The following ARHGEF17 variants were observed in gnomAD, a reference collection of about 807,000 sequenced individuals.
ARHGEF17 encodes Rho guanine nucleotide exchange factor 17.
ARHGEF17 carries 80 observed loss-of-function variants against 174.0 expected under a neutral mutation model. That is an observed-to-expected ratio of 0.46 (90% CI 0.38 to 0.55). The LOEUF is 0.55. Ranked by LOEUF, ARHGEF17 falls within the 20% of genes least tolerant of loss-of-function variation. The probability of loss-of-function intolerance (pLI) is 0.00; values close to 1 mark genes in which losing one functional copy is unlikely to be tolerated. For synonymous variants in ARHGEF17, 1,311 were observed against 1,189.1 expected, an observed-to-expected ratio of 1.10 and a Z score of -2.11; for missense variants, 2,886 against 2,839.7, an observed-to-expected ratio of 1.02 and a Z score of -0.37.
rs1191239085 is a variant in ARHGEF17, at chr11:73,328,119, C to T, written c.3192+16289C>T. Among the ~76,000 whole-genome samples, 3 of 152,232 alleles carry T rather than the reference C, an allele frequency of 2.0e-5. No homozygotes were observed. In the East Asian group the frequency reaches 5.8e-4, roughly 29 times the overall value. Reference sequence around the variant, plus strand: ...GTTGGAAGGGAGGGAGGGAAGTGACCTAGCTGGCTGAGGAAGAGCCCCAGG... The same window carrying T: ...GTTGGAAGGGAGGGAGGGAAGTGACTTAGCTGGCTGAGGAAGAGCCCCAGG... On this transcript the variant is annotated intron_variant, in intron 1 of 20. Transcript: ENST00000263674.
chr11:73,365,692 A>G lies in ARHGEF17; in HGVS notation c.5740A>G (p.Ile1914Val). 1 of 1,612,760 alleles carries G rather than the reference A, an allele frequency of 6.2e-7. No individual in the cohort carries two copies. The highest frequency in any genetic ancestry group is 8.5e-7 in the Non-Finnish European group (1 of 1,179,282). The change falls in exon 20 of 21, where the codon ATC (isoleucine) becomes GTC (valine). Residue 1914 changes from isoleucine (I) to valine (V), a missense_variant. Transcript: ENST00000263674. This position sits in a 1 kb window ranked among gnomAD's most constrained non-coding sequence, Gnocchi z 4.9. The stretch of plus-strand genomic sequence containing the variant: ...TCCCACCCCAGGCTCGGATGCCATC[A>G]TCCGGCAGCACAAGGCTGCCTGTCT... ...HRMLAGSDAIIRQHKAACLRI... is the reference protein window; with the variant it reads ...HRMLAGSDAIVRQHKAACLRI...
chr11:73,353,135 C>A, intron 3 of ARHGEF17, 123 bp downstream of exon 3: 1 of 1,312,226 alleles, frequency 7.6e-7, no homozygotes. Flanking sequence ...CAGATCTGAC[C>A]ATAGAACTTG....
At chr11:73,356,897 ACT>A (rs2134418158) in intron 7 of ARHGEF17, 126 bp from the exon 8 acceptor site, 2 of 1,490,640 alleles carry the variant, frequency 1.3e-6, no homozygotes, top group Non-Finnish European at 1.9e-6. Context: ...CTCTGCTCTG[ACT>A]CTCTGGGAAG....
chr11:73,367,627 G>C lies in ARHGEF17; in HGVS notation c.6039G>C (p.Trp2013Cys), dbSNP rs1426394738. 1.8e-5 allele frequency: 29 copies of C among 1,613,892 alleles called. No homozygotes were observed. The highest frequency in any genetic ancestry group is 2.3e-5 in the Non-Finnish European group (27 of 1,179,942). Residue 2013 changes from tryptophan to cysteine, a missense_variant, in exon 21 of 21, where the codon TGG becomes TGC. Around this residue, in one of 4 missense-constraint regions of ARHGEF17, gnomAD observed 329 missense variants for 435.2 expected, o/e 0.76. Coordinates refer to ENST00000263674, the MANE Select transcript of ARHGEF17 (RefSeq NM_014786.4). The part of the protein sequence containing the change: ...LPSLEHRDSP[W>C]HRGPAPARPK... Reference sequence around the variant, plus strand: ...CACTGGAGCACCGGGACTCCCCTTGGCACCGAGGCCCCGCCCCTGCCAGGC... The same window carrying C: ...CACTGGAGCACCGGGACTCCCCTTGCCACCGAGGCCCCGCCCCTGCCAGGC...
chr11:73,354,608 G>A (rs1190817551), intron 3 of ARHGEF17, among the ~76,000 whole-genome samples: 4 of 152,214 alleles, frequency 2.6e-5, no homozygotes, highest in East Asian at 3.9e-4. Context: ...CAGCTACTCC[G>A]GAGGCTGAGG....
intron 1 of ARHGEF17, among the ~76,000 whole-genome samples, chr11:73,338,352 C>T (rs760589110): frequency 6.6e-6 from 1 of 152,204 alleles, no homozygotes; most frequent in Non-Finnish European, 1.5e-5. Context: ...TTCTTAATCT[C>T]TCTACCCAAA....
Position 73,309,722 on chromosome 11 carries a change from A to T in ARHGEF17, c.1084A>T (p.Met362Leu). Residue 362 changes from methionine (M) to leucine (L), a missense_variant, in exon 1 of 21, where the codon ATG (methionine) becomes TTG (leucine). This residue lies in a region of ARHGEF17 where 1,728 missense variants were observed against 1,461.2 expected (regional missense o/e 1.18). Transcript: ENST00000263674. ...VPGPQEGLRPMSDSVGGAFRV... is the reference protein window; with the variant it reads ...VPGPQEGLRPLSDSVGGAFRV... ...AGGTCCCCAGGAGGGACTTCGGCCT[A>T]TGTCTGACTCTGTGGGAGGAGCTTT... 1 of 1,612,926 alleles carries T rather than the reference A, an allele frequency of 6.2e-7. No homozygotes were observed. The highest frequency in any genetic ancestry group is 8.5e-7 in the Non-Finnish European group (1 of 1,179,890).
At chr11:73,350,454 T>G (rs554168593) in intron 2 of ARHGEF17, among the ~76,000 whole-genome samples, 5 of 152,218 alleles carry the variant, frequency 3.3e-5, no homozygotes, top group Non-Finnish European at 7.3e-5. Flanking sequence ...TCATTGTGAC[T>G]CTGGGTTCTC....
chr11:73,356,781 G>A (rs373197266), intron 7 of ARHGEF17, 22 bp downstream of exon 7: 2 of 1,614,104 alleles, frequency 1.2e-6, no homozygotes, highest in African/African-American at 1.3e-5. Context: ...CCCAGTATCT[G>A]TCCGGCTGTC....
intron 1 of ARHGEF17, among the ~76,000 whole-genome samples, chr11:73,329,364 TA>T (rs1321016223): frequency 8.0e-4 from 15 of 18,732 alleles, no homozygotes; most frequent in Non-Finnish European, 1.3e-3. Flanking sequence ...TATATATATA[TA>T]TATATATATT....
At position 73,365,538 on chromosome 11, in the gene ARHGEF17, C is replaced by T; in HGVS notation, c.5699C>T (p.Thr1900Ile). The T allele has an allele frequency of 1.2e-6, 2 of 1,614,162 alleles. No homozygotes were observed. The highest frequency in any genetic ancestry group is 1.7e-6 in the Non-Finnish European group (2 of 1,180,036). Residue 1900 changes from threonine (T) to isoleucine (I), a missense_variant, in exon 19 of 21, where the codon ACT (threonine) becomes ATT (isoleucine). By Grantham distance (89) the Thr-to-Ile change is moderately conservative. Transcript: ENST00000263674. The surrounding 1 kb of genome is among the most constrained non-coding windows in gnomAD (Gnocchi z 4.9). ...TFEQLAEVDV[T>I]PPVHRMLAGS... ...GAGCAGCTGGCAGAAGTAGACGTCACTCCTCCCGTGCACAGGATGCTGGCA... is the reference window on the plus strand; with the variant it reads ...GAGCAGCTGGCAGAAGTAGACGTCATTCCTCCCGTGCACAGGATGCTGGCA...
At position 73,364,250 on chromosome 11, in the gene ARHGEF17, G is replaced by C; in HGVS notation, c.5401+11G>C. The C allele has an allele frequency of 6.2e-7, 1 of 1,614,042 alleles. No homozygotes were observed. The highest frequency in any genetic ancestry group is 8.5e-7 in the Non-Finnish European group (1 of 1,179,930). On this transcript the variant is annotated intron_variant, in intron 17 of 20. Coordinates refer to ENST00000263674, the MANE Select transcript of ARHGEF17 (RefSeq NM_014786.4). Reference sequence around the variant, plus strand: ...ACCAAAGGGAAGCAGGTGAGTATCTGCCCTCCCCCACACCCTGCCCCTGTC... The same window carrying C: ...ACCAAAGGGAAGCAGGTGAGTATCTCCCCTCCCCCACACCCTGCCCCTGTC...
intron 1 of ARHGEF17, among the ~76,000 whole-genome samples, chr11:73,316,647 AG>A (rs1316855659): frequency 6.6e-6 from 1 of 152,242 alleles, no homozygotes; most frequent in African/African-American, 2.4e-5. Context: ...GAAACAGTCA[AG>A]AGAACTGTAT....
intron 1 of ARHGEF17, among the ~76,000 whole-genome samples, chr11:73,325,310 G>C (rs1020330573): frequency 6.6e-6 from 1 of 152,078 alleles, no homozygotes; most frequent in Non-Finnish European, 1.5e-5. Context: ...TCAGTCATCA[G>C]GTCGCTTCCT....
At chr11:73,347,732 AG>A (rs1203428023) in intron 2 of ARHGEF17, among the ~76,000 whole-genome samples, 1 of 152,232 alleles carries the variant, frequency 6.6e-6, no homozygotes, top group Non-Finnish European at 1.5e-5. Flanking sequence ...GGCTTTGAGC[AG>A]GGGAGGTGTG....
Position 73,362,585 on chromosome 11 carries a change from G to A in ARHGEF17, c.4847G>A (p.Gly1616Asp), listed in dbSNP as rs1865764886. ...PCLHISIAGS[G>D]LEMTPGLGEG... Reference sequence around the variant, plus strand: ...CTTCACATCTCCATTGCAGGCTCGGGCTTGGAGATGACGCCGGGCCTCGGC... The same window carrying A: ...CTTCACATCTCCATTGCAGGCTCGGACTTGGAGATGACGCCGGGCCTCGGC... Residue 1616 changes from glycine to aspartate, a missense_variant, in exon 14 of 21, where the codon GGC (glycine) becomes GAC (aspartate). Transcript: ENST00000263674. 1.2e-6 allele frequency: 2 copies of A among 1,610,358 alleles called. No individual in the cohort carries two copies. The highest frequency in any genetic ancestry group is 2.2e-5 in the South Asian group (2 of 91,076).
chr11:73,328,614 G>C (rs1436783947), intron 1 of ARHGEF17, among the ~76,000 whole-genome samples: 1 of 152,220 alleles, frequency 6.6e-6, no homozygotes, highest in African/African-American at 2.4e-5. Flanking sequence ...CTTCCTGGAG[G>C]AACACCACAT....
At chr11:73,356,459 C>G in intron 6 of ARHGEF17, 108 bp downstream of exon 6, 1 of 1,355,190 alleles carries the variant, frequency 7.4e-7, no homozygotes, top group Middle Eastern at 2.6e-4. Flanking sequence ...GTGTCCATGT[C>G]CGGAACCACA....
chr11:73,364,261 C>T (rs1865799919), intron 17 of ARHGEF17, 22 bp downstream of exon 17: 1 of 1,613,576 alleles, frequency 6.2e-7, no homozygotes. Context: ...CCCTCCCCCA[C>T]ACCCTGCCCC....
Sources: allele counts gnomAD v4.1 joint callset (sites outside exome capture counted in the v4.1 genomes callset), GRCh38; gene constraint gnomAD v4.1.1; regional missense constraint gnomAD v4.1.1; non-coding constraint Gnocchi (gnomAD v3.1); transcripts MANE v1.5; gene names NCBI Gene and HGNC (gene_info 2026-07-23, HGNC 2026-07-21).